The following ABCB7 variants were observed in gnomAD, a reference collection of about 807,000 sequenced individuals.
The protein encoded by ABCB7 is iron-sulfur clusters transporter ABCB7, mitochondrial.
Under a neutral mutation model 54.4 loss-of-function variants are expected in ABCB7, and 7 were observed. That is an observed-to-expected ratio of 0.13 (90% CI 0.07 to 0.24). The LOEUF (loss-of-function observed/expected upper bound fraction) is 0.24, where lower values mean the gene tolerates loss of function less well. ABCB7 is among the 10% of genes least tolerant of loss of function. The pLI is 1.00. For synonymous variants in ABCB7, 218 were observed against 207.1 expected, an observed-to-expected ratio of 1.05 and a Z score of -0.45; for missense variants, 356 against 570.4, an observed-to-expected ratio of 0.62 and a Z score of 3.83.
At chrX:75,115,165 G>C (rs1208650093) in intron 1 of ABCB7, among the ~76,000 whole-genome samples, 1 of 103,481 alleles carries the variant, frequency 9.7e-6, no homozygotes, top group Non-Finnish European at 2.0e-5. Flanking sequence ...TTACTCAGGA[G>C]GTTGAAGCAG....
chrX:75,067,975 T>A (rs2081334836), intron 12 of ABCB7, among the ~76,000 whole-genome samples: 1 of 111,770 alleles, frequency 8.9e-6, no homozygotes, highest in South Asian at 3.7e-4. Flanking sequence ...ATTTTTTAAA[T>A]TTATAAATGG....
chrX:75,075,243 G>T lies in ABCB7; in HGVS notation c.855+119C>A. 3 of 781,631 alleles carry T rather than the reference G, an allele frequency of 3.8e-6. No individual in the cohort carries two copies. The South Asian group carries it at 7.5e-5, about 20-fold the overall frequency. 64.4% of individuals were successfully genotyped at this position (781,631 alleles called of 1,213,427 possible). On this transcript the variant is annotated intron_variant, in intron 6 of 15. Transcript: ENST00000373394. ...ATAATTAAACTGCATAATATTTCTG[G>T]CATCATGGAATTTTGCTTTCAAGCC...
At chrX:75,122,861 G>GTGTGTGTGTGTGTGT (rs372924417) in intron 1 of ABCB7, among the ~76,000 whole-genome samples, 1 of 93,131 alleles carries the variant, frequency 1.1e-5, no homozygotes, top group East Asian at 4.2e-4. Context: ...TTAAAATTGG[G>GTGTGTGTGTGTGTGT]GTGTGTGTGT....
intron 5 of ABCB7, 110 bp from the exon 6 acceptor site, chrX:75,075,740 G>T: frequency 1.4e-6 from 1 of 739,085 alleles, no homozygotes; most frequent in Non-Finnish European, 2.0e-6. Context: ...TTCAGTGAAT[G>T]AATATATCAC....
intron 4 of ABCB7, among the ~76,000 whole-genome samples, chrX:75,079,719 G>C (rs2081440286): frequency 9.0e-6 from 1 of 111,661 alleles, no homozygotes; most frequent in Non-Finnish European, 1.9e-5. Context: ...ATGTGTATCT[G>C]TGTGTAGTAC....
At chrX:75,058,515 G>C (rs752250762) in intron 15 of ABCB7, among the ~76,000 whole-genome samples, 103 of 111,767 alleles carry the variant, frequency 9.2e-4, no homozygotes, top group Non-Finnish European at 1.8e-3. Flanking sequence ...CAGAACACAG[G>C]AGGTGACAGA....
At chrX:75,151,935 C>A (rs2082134502) in intron 1 of ABCB7, among the ~76,000 whole-genome samples, 1 of 111,258 alleles carries the variant, frequency 9.0e-6, no homozygotes, top group African/African-American at 3.3e-5. Flanking sequence ...TTACTCCTAC[C>A]TCAAGACCTC....
chrX:75,126,963 G>A (rs976753397), intron 1 of ABCB7, among the ~76,000 whole-genome samples: 2 of 111,096 alleles, frequency 1.8e-5, no homozygotes, highest in South Asian at 7.8e-4. Flanking sequence ...ATTCACAGCT[G>A]AATTCTACCC....
chrX:75,122,861 GGTGTGTGTGT>G (rs58879235), intron 1 of ABCB7, among the ~76,000 whole-genome samples: 25 of 93,142 alleles, frequency 2.7e-4, no homozygotes, highest in African/African-American at 7.4e-4. Context: ...TTAAAATTGG[GGTGTGTGTGT>G]GTGTGTGTGT....
rs1292148793 is a variant in ABCB7, at chrX:75,069,442, C to G, written c.1378G>C (p.Ala460Pro). 1 of 1,207,907 alleles carries G rather than the reference C, an allele frequency of 8.3e-7. No homozygotes were observed. The highest frequency in any genetic ancestry group is 1.1e-6 in the Non-Finnish European group (1 of 894,497). Residue 460 changes from alanine (A) to proline (P), a missense_variant, in exon 11 of 16, where the codon GCA becomes CCA. Physicochemically the swap from Ala to Pro is conservative, Grantham distance 27. Coordinates refer to ENST00000373394, the MANE Select transcript of ABCB7 (RefSeq NM_001271696.3). ...TGTGGTGTGATCTGAAGGGGAGATGCCATCACTTTGTCCTAGCAGGGAAGA... is the reference window on the plus strand; with the variant it reads ...TGTGGTGTGATCTGAAGGGGAGATGGCATCACTTTGTCCTAGCAGGGAAGA... ...VDTQIKDKVMASPLQITPQTA... is the reference protein window; with the variant it reads ...VDTQIKDKVMPSPLQITPQTA...
chrX:75,059,910 T>A (rs1366577251), intron 15 of ABCB7, among the ~76,000 whole-genome samples: 3 of 110,964 alleles, frequency 2.7e-5, no homozygotes, highest in Non-Finnish European at 5.7e-5. Flanking sequence ...AAGCAAAGAG[T>A]CTATTCAGAG....
At position 75,102,613 on chromosome X, in the gene ABCB7, A is replaced by G. The variant is rs141681035; in HGVS notation, c.334-3552T>C. 5.4e-5 allele frequency among the ~76,000 whole-genome samples: 6 copies of G among 111,960 alleles called. No individual in the cohort carries two copies. In the East Asian group the frequency reaches 1.7e-3, roughly 31 times the overall value. ...TATTGTGAAACGTACTGCAATCAACATACAACATGCAGGTATCCTTTTGAT... is the reference window on the plus strand; with the variant it reads ...TATTGTGAAACGTACTGCAATCAACGTACAACATGCAGGTATCCTTTTGAT... On this transcript the variant is annotated intron_variant, in intron 3 of 15. Coordinates refer to ENST00000373394, the MANE Select transcript of ABCB7 (RefSeq NM_001271696.3).
At position 75,079,490 on chromosome X, in the gene ABCB7, T is replaced by TA. The variant is rs199713669; in HGVS notation, c.454-2837dup. 8.1e-4 allele frequency among the ~76,000 whole-genome samples: 89 copies of TA among 110,240 alleles called. 1 individual carries two copies. Among genetic ancestry groups the TA allele is most frequent in the African/African-American group, 2.5e-3 (77 of 30,328 alleles). On this transcript the variant is annotated intron_variant, in intron 4 of 15. Coordinates refer to ENST00000373394, the MANE Select transcript of ABCB7 (RefSeq NM_001271696.3). ...ACCATTCCAGGCAAATGAGAATCTT[T>TA]AAAAAAAAATAACTTTTTTATTTTG...
Position 75,060,550 on chromosome X carries a change from C to T in ABCB7, c.1936-220G>A, listed in dbSNP as rs6647618. 0.13 allele frequency among the ~76,000 whole-genome samples: 14,018 copies of T among 110,415 alleles called. 1,548 individuals are homozygous for T. Among genetic ancestry groups the T allele is most frequent in the East Asian group, 0.91 (3,134 of 3,457 alleles). On this transcript the variant is annotated intron_variant, in intron 14 of 15. Coordinates refer to ENST00000373394, the MANE Select transcript of ABCB7 (RefSeq NM_001271696.3). The stretch of plus-strand genomic sequence containing the variant: ...GAGAAGGCAACTATGATCACATTAT[C>T]GTGGAAAAAAATTCTTAGGCAACAT...
chrX:75,058,600 T>C (rs2081259735), intron 15 of ABCB7, among the ~76,000 whole-genome samples: 2 of 111,992 alleles, frequency 1.8e-5, no homozygotes, highest in African/African-American at 3.2e-5. Flanking sequence ...CAGACAACTA[T>C]AGAATCATCA....
intron 4 of ABCB7, among the ~76,000 whole-genome samples, chrX:75,081,765 T>C (rs987104869): frequency 8.9e-6 from 1 of 111,762 alleles, no homozygotes; most frequent in Non-Finnish European, 1.9e-5. Flanking sequence ...CTACAACTGA[T>C]AGAAGCTATA....
At chrX:75,066,267 A>G (rs887288734) in intron 12 of ABCB7, among the ~76,000 whole-genome samples, 54 of 111,250 alleles carry the variant, frequency 4.9e-4, no homozygotes, top group African/African-American at 1.7e-3. Context: ...TAACCAGGAT[A>G]CCCATCTTCT....
chrX:75,138,658 G>T (rs937885177), intron 1 of ABCB7, among the ~76,000 whole-genome samples: 5 of 111,439 alleles, frequency 4.5e-5, no homozygotes, highest in African/African-American at 1.6e-4. Context: ...GAATCCACCA[G>T]AAGCTTTTAA....
chrX:75,155,101 T>G (rs186293842), intron 1 of ABCB7, among the ~76,000 whole-genome samples: 1 of 112,871 alleles, frequency 8.9e-6, no homozygotes, highest in Non-Finnish European at 1.9e-5. Flanking sequence ...CACCACTGTG[T>G]TTTTCAGTTA....
Sources: gnomAD v4.1 joint callset for allele counts (sites outside exome capture counted in the v4.1 genomes callset) on GRCh38, gnomAD v4.1.1 for gene constraint, MANE v1.5 for transcripts, NCBI Gene and HGNC (gene_info 2026-07-23, HGNC 2026-07-21) for gene names.